Variants in GRM8 observed in about 807,000 individuals in gnomAD.
GRM8 encodes metabotropic glutamate receptor 8.
A neutral mutation model predicts 87.2 loss-of-function variants in GRM8; 47 were observed. That is an observed-to-expected ratio of 0.54 (90% CI 0.43 to 0.69). The LOEUF is 0.69. Among genes scored for constraint, GRM8 ranks in the 30% least tolerant of loss-of-function variants. The pLI, the probability that GRM8 is intolerant of heterozygous loss-of-function variation, is 0.00. For synonymous variants in GRM8, 396 were observed against 404.5 expected (o/e 0.98, Z 0.25); for missense variants, 1,019 against 1,139.2 (o/e 0.89, Z 1.52).
At chr7:126,500,544 T>A (rs1333949776) in intron 9 of GRM8, among the ~76,000 whole-genome samples, 1 of 151,964 alleles carries the variant, frequency 6.6e-6, no homozygotes, top group African/African-American at 2.4e-5. Context: ...AGGACTAAGC[T>A]CTACCTCTGG....
At chr7:126,523,074 A>G (rs1458500262) in intron 9 of GRM8, among the ~76,000 whole-genome samples, 2 of 152,252 alleles carry the variant, frequency 1.3e-5, no homozygotes, top group Non-Finnish European at 2.9e-5. Flanking sequence ...TATTAAACCT[A>G]AAGAAGAGGA....
chr7:126,951,708 A>C (rs930408925), intron 3 of GRM8, among the ~76,000 whole-genome samples: 1 of 152,048 alleles, frequency 6.6e-6, no homozygotes, highest in East Asian at 1.9e-4. Context: ...TCAAACAAAG[A>C]AGTAAACATA....
chr7:126,993,138 A>G (rs1003888068), intron 3 of GRM8, among the ~76,000 whole-genome samples: 1 of 152,198 alleles, frequency 6.6e-6, no homozygotes, highest in Non-Finnish European at 1.5e-5. Context: ...TAAACTCAGT[A>G]TAATCAGAAA....
At chr7:126,850,937 T>C (rs989454391) in intron 6 of GRM8, among the ~76,000 whole-genome samples, 1 of 152,180 alleles carries the variant, frequency 6.6e-6, no homozygotes, top group Non-Finnish European at 1.5e-5. Context: ...CCCATGACTT[T>C]AAATTCCATC....
intron 3 of GRM8, among the ~76,000 whole-genome samples, chr7:126,926,938 C>A (rs1805193462): frequency 6.6e-6 from 1 of 152,182 alleles, no homozygotes; most frequent in Non-Finnish European, 1.5e-5. Flanking sequence ...CCCAACCAGC[C>A]TATTGGTTCT....
chr7:126,941,378 C>T (rs376772303), intron 3 of GRM8, among the ~76,000 whole-genome samples: 47 of 149,734 alleles, frequency 3.1e-4, no homozygotes, highest in Middle Eastern at 3.4e-3. Context: ...GAGGCCGAAG[C>T]GGGTGGATCA....
chr7:127,106,128 T>C (rs1825784181), intron 3 of GRM8, among the ~76,000 whole-genome samples: 1 of 152,246 alleles, frequency 6.6e-6, no homozygotes, highest in Non-Finnish European at 1.5e-5. Flanking sequence ...TTCCACTGAC[T>C]TTTTTTAAAT....
At chr7:126,617,907 C>G (rs1416230712) in intron 7 of GRM8, among the ~76,000 whole-genome samples, 3 of 152,150 alleles carry the variant, frequency 2.0e-5, no homozygotes, top group Admixed American at 1.3e-4. Context: ...AACATTCCAT[C>G]CTCATGGATG....
chr7:126,987,001 G>C (rs933903850), intron 3 of GRM8, among the ~76,000 whole-genome samples: 11 of 152,122 alleles, frequency 7.2e-5, no homozygotes, highest in African/African-American at 2.4e-4. Context: ...GCGCGTAAAA[G>C]AAGTATCTTG....
intron 2 of GRM8, among the ~76,000 whole-genome samples, chr7:127,212,297 A>G (rs1314642114): frequency 6.6e-6 from 1 of 152,224 alleles, no homozygotes; most frequent in African/African-American, 2.4e-5. Context: ...TCTAAGACAG[A>G]CATAGAATTT....
intron 2 of GRM8, among the ~76,000 whole-genome samples, chr7:127,238,270 C>CT (rs1798089536): frequency 6.6e-6 from 1 of 151,940 alleles, no homozygotes; most frequent in South Asian, 2.1e-4. Context: ...TAGGTCTGCT[C>CT]TGCCCCATGT....
intron 2 of GRM8, chr7:127,229,862 CA>C (rs1175849500): frequency 6.6e-5 from 10 of 152,266 alleles, no homozygotes; most frequent in African/African-American, 2.4e-4. Flanking sequence ...GTGAGCCCCT[CA>C]AGAATGGTGG....
At chr7:126,670,354 G>T (rs1806248111) in intron 7 of GRM8, among the ~76,000 whole-genome samples, 1 of 151,984 alleles carries the variant, frequency 6.6e-6, no homozygotes, top group African/African-American at 2.4e-5. Context: ...ATCTTCTTTA[G>T]GTTATATCTT....
chr7:126,783,679 TAC>T (rs1482240799), intron 6 of GRM8, among the ~76,000 whole-genome samples: 2 of 152,186 alleles, frequency 1.3e-5, no homozygotes, highest in African/African-American at 4.8e-5. Flanking sequence ...CAAATAAATA[TAC>T]ATAAAAGGTA....
At chr7:127,053,607 G>C (rs1221181958) in intron 3 of GRM8, among the ~76,000 whole-genome samples, 1 of 152,080 alleles carries the variant, frequency 6.6e-6, no homozygotes. Context: ...GACCAACATG[G>C]AGAAACCCCG....
At chr7:126,998,091 G>T (rs574135042) in intron 3 of GRM8, among the ~76,000 whole-genome samples, 1 of 151,604 alleles carries the variant, frequency 6.6e-6, no homozygotes, top group East Asian at 1.9e-4. Flanking sequence ...ACCAAGTGGG[G>T]TTTATCCCAG....
intron 7 of GRM8, among the ~76,000 whole-genome samples, chr7:126,756,473 G>A (rs1294467494): frequency 6.6e-6 from 1 of 151,976 alleles, no homozygotes; most frequent in African/African-American, 2.4e-5. Flanking sequence ...TTCAAGAGAA[G>A]GAGAAGACAA....
At chr7:126,532,887 A>G in intron 9 of GRM8, 65 bp downstream of exon 9, 1 of 936,320 alleles carries the variant, frequency 1.1e-6, no homozygotes. Flanking sequence ...AAAAGGAGGA[A>G]AAGCATCCTA....
chr7:126,900,922 A>G (rs1802014051), intron 6 of GRM8, among the ~76,000 whole-genome samples: 1 of 152,120 alleles, frequency 6.6e-6, no homozygotes, highest in Admixed American at 6.6e-5. Flanking sequence ...CACTTCTGCC[A>G]GGCAAATCTT....
Sources: allele counts gnomAD v4.1 joint callset (sites outside exome capture counted in the v4.1 genomes callset), GRCh38; gene constraint gnomAD v4.1.1; transcripts MANE v1.5; gene names NCBI Gene and HGNC (gene_info 2026-07-23, HGNC 2026-07-21).